SLC12A2: variants seen among roughly 807,000 people sequenced by gnomAD.
SLC12A2 encodes the protein solute carrier family 12 member 2, also known as Na-K-2Cl cotransporter 1.
A neutral mutation model predicts 136.3 loss-of-function variants in SLC12A2; 67 were observed. That is an observed-to-expected ratio of 0.49 (90% CI 0.40 to 0.60). The LOEUF is 0.60. Ranked by LOEUF, SLC12A2 falls within the 20% of genes least tolerant of loss-of-function variation. The pLI is 0.00. For synonymous variants in SLC12A2, 619 were observed against 562.9 expected, an observed-to-expected ratio of 1.10 and a Z score of -1.41; for missense variants, 1,322 against 1,534.7, an observed-to-expected ratio of 0.86 and a Z score of 2.32.
At position 128,184,491 on chromosome 5, in the gene SLC12A2, A is replaced by G. The variant is rs1428217037; in HGVS notation, c.3425A>G (p.Tyr1142Cys). Reference sequence around the variant, plus strand: ...ATAACAGATAATGAGCTTGAACTTTATAAGACCAAGGTATTCTCTTCTGCT... The same window carrying G: ...ATAACAGATAATGAGCTTGAACTTTGTAAGACCAAGGTATTCTCTTCTGCT... ...WRITDNELEL[Y>C]KTKTYRQIRL... The change falls in exon 25 of 27, where the codon TAT becomes TGT. Residue 1142 changes from tyrosine (Y) to cysteine (C), a missense_variant. This residue lies in a region of SLC12A2 where 172 missense variants were observed against 227.4 expected (regional missense o/e 0.76). Transcript: ENST00000262461. The G allele has an allele frequency of 1.3e-6, 2 of 1,597,444 alleles. No individual in the cohort carries two copies. Among genetic ancestry groups the G allele is most frequent in the East Asian group, 2.2e-5 (1 of 44,578 alleles).
At position 128,188,574 on chromosome 5, in the gene SLC12A2, C is replaced by G. The variant is rs532652509; in HGVS notation, c.*1943C>G. 1 of 151,698 alleles carries G rather than the reference C, an allele frequency of 6.6e-6. No homozygotes were observed. Among genetic ancestry groups the G allele is most frequent in the Admixed American group, 6.6e-5 (1 of 15,224 alleles). The allele number at this position is 151,698 out of a possible 1,614,324, so 9.4% of individuals were successfully genotyped here. On this transcript the variant is annotated 3_prime_UTR_variant, in exon 27 of 27. Transcript: ENST00000262461. The stretch of plus-strand genomic sequence containing the variant: ...TCCCAGAGTGCTGGGATTACAGGTG[C>G]GAGCCACTGCGCCTGGCTGGTTTTC...
intron 23 of SLC12A2, 87 bp from the exon 24 acceptor site, chr5:128,182,768 C>G: frequency 2.3e-6 from 2 of 888,658 alleles, no homozygotes; most frequent in Non-Finnish European, 3.5e-6. Flanking sequence ...CTGACTTTTT[C>G]TATAAATCAT....
In SLC12A2 at chr5:128,188,351, GT is replaced by G. The variant is rs1763933475; in HGVS notation, c.*1721del. 1 of 129,712 alleles carries G rather than the reference GT, an allele frequency of 7.7e-6. No homozygotes were observed. The highest frequency in any genetic ancestry group is 9.0e-5 in the Admixed American group (1 of 11,090). 8.0% of individuals were successfully genotyped at this position (129,712 alleles called of 1,614,324 possible). Reference sequence around the variant, plus strand: ...TGCTCTGTTGCCACGCTGGAATGCAGTAACGTGATCTTGGCTCACTGCGACC... The same window carrying G: ...TGCTCTGTTGCCACGCTGGAATGCAGAACGTGATCTTGGCTCACTGCGACC... On this transcript the variant is annotated 3_prime_UTR_variant, in exon 27 of 27. Transcript: ENST00000262461.
intron 1 of SLC12A2, among the ~76,000 whole-genome samples, chr5:128,087,151 A>G (rs774597656): frequency 9.9e-5 from 15 of 152,222 alleles, no homozygotes; most frequent in Non-Finnish European, 1.8e-4. Flanking sequence ...TTTTGTCTAG[A>G]TGTCCAACTG....
intron 4 of SLC12A2, among the ~76,000 whole-genome samples, chr5:128,118,099 A>T (rs1166965910): frequency 6.6e-6 from 1 of 152,212 alleles, no homozygotes; most frequent in Non-Finnish European, 1.5e-5. Flanking sequence ...ATGAAAAGGG[A>T]ACACTTTTAC....
intron 15 of SLC12A2, among the ~76,000 whole-genome samples, chr5:128,155,136 G>A (rs925054525): frequency 6.6e-6 from 1 of 152,106 alleles, no homozygotes; most frequent in African/African-American, 2.4e-5. Flanking sequence ...GCACAGAGAC[G>A]CTGGATAAAG....
chr5:128,129,412 C>T (rs1292018164), intron 4 of SLC12A2, among the ~76,000 whole-genome samples: 3 of 150,218 alleles, frequency 2.0e-5, no homozygotes, highest in Non-Finnish European at 3.0e-5. Flanking sequence ...AAGAATATTT[C>T]GTGGAAAATT....
chr5:128,167,888 A>T, intron 18 of SLC12A2, 21 bp downstream of exon 18: 1 of 1,344,736 alleles, frequency 7.4e-7, no homozygotes, highest in South Asian at 1.4e-5. Flanking sequence ...TTTTAATTCA[A>T]TAATTTAGTT....
At chr5:128,117,835 T>C (rs1433671651) in intron 4 of SLC12A2, among the ~76,000 whole-genome samples, 4 of 152,118 alleles carry the variant, frequency 2.6e-5, no homozygotes, top group African/African-American at 9.7e-5. Context: ...GACAAAGGAC[T>C]AATAATGCAA....
At chr5:128,179,321 C>T (rs1362036850) in intron 22 of SLC12A2, among the ~76,000 whole-genome samples, 3 of 152,074 alleles carry the variant, frequency 2.0e-5, no homozygotes, top group Non-Finnish European at 4.4e-5. Flanking sequence ...TTCTCCTATT[C>T]CATCATTTCT....
Position 128,085,438 on chromosome 5 carries a change from G to T in SLC12A2, c.756+728G>T, listed in dbSNP as rs904137224. Among the ~76,000 whole-genome samples the T allele has an allele frequency of 1.3e-5, 2 of 152,162 alleles. 1 individual carries two copies. The highest frequency in any genetic ancestry group is 2.9e-5 in the Non-Finnish European group (2 of 68,022). On this transcript the variant is annotated intron_variant, in intron 1 of 26. Coordinates refer to ENST00000262461, the MANE Select transcript of SLC12A2 (RefSeq NM_001046.3). The stretch of plus-strand genomic sequence containing the variant: ...GAGGATGACCAGAAAGACCTGTGGG[G>T]TCTTTGCCATAAGCAGTTACACTTT...
intron 16 of SLC12A2, 29 bp downstream of exon 16, chr5:128,158,193 A>G (rs1299373394): frequency 1.9e-6 from 3 of 1,542,962 alleles, no homozygotes; most frequent in South Asian, 1.2e-5. Context: ...TTCTTTTTCA[A>G]GTTTTTTTTT....
chr5:128,181,038 C>T, intron 23 of SLC12A2, 44 bp downstream of exon 23: 2 of 1,064,042 alleles, frequency 1.9e-6, no homozygotes, highest in Non-Finnish European at 2.9e-6. Context: ...ATTAGCACTT[C>T]ATTGCTACAG....
intron 14 of SLC12A2, among the ~76,000 whole-genome samples, chr5:128,152,340 T>C (rs558541525): frequency 1.2e-3 from 189 of 152,346 alleles, no homozygotes; most frequent in African/African-American, 4.3e-3. Context: ...AACAGTTAAG[T>C]ACTATAAATA....
At chr5:128,099,919 GTTA>G (rs1254650116) in intron 1 of SLC12A2, among the ~76,000 whole-genome samples, 3 of 152,102 alleles carry the variant, frequency 2.0e-5, no homozygotes, top group East Asian at 1.9e-4. Flanking sequence ...CTGTTTTACA[GTTA>G]TTATTTTTTT....
intron 14 of SLC12A2, among the ~76,000 whole-genome samples, chr5:128,152,411 C>T (rs1325285009): frequency 6.6e-6 from 1 of 152,132 alleles, no homozygotes; most frequent in Non-Finnish European, 1.5e-5. Context: ...TATATACAAA[C>T]AATAATTTTA....
intron 1 of SLC12A2, among the ~76,000 whole-genome samples, chr5:128,112,142 GAA>G (rs1457503590): frequency 2.0e-5 from 3 of 152,114 alleles, no homozygotes; most frequent in African/African-American, 7.2e-5. Context: ...GAGAAAGAGA[GAA>G]GTTAGAGAAC....
chr5:128,125,210 C>T (rs1012714926), intron 4 of SLC12A2, among the ~76,000 whole-genome samples: 2 of 152,186 alleles, frequency 1.3e-5, no homozygotes, highest in Non-Finnish European at 2.9e-5. Context: ...GACTAAATAA[C>T]AGATTGCTCG....
chr5:128,172,202 C>G (rs914837525), intron 19 of SLC12A2, among the ~76,000 whole-genome samples: 1 of 152,088 alleles, frequency 6.6e-6, no homozygotes, highest in Non-Finnish European at 1.5e-5. Context: ...TTTTTAAAAA[C>G]ATTTTTTAAT....
Sources: gnomAD v4.1 joint callset for allele counts (sites outside exome capture counted in the v4.1 genomes callset) on GRCh38, gnomAD v4.1.1 for gene constraint, gnomAD v4.1.1 regional missense constraint, MANE v1.5 for transcripts, NCBI Gene and HGNC (gene_info 2026-07-23, HGNC 2026-07-21) for gene names.